The following NRXN1 variants were observed in gnomAD, a reference collection of about 807,000 sequenced individuals.
NRXN1 encodes neurexin-1.
Under a neutral mutation model 150.9 loss-of-function variants are expected in NRXN1, and 39 were observed. That is an observed-to-expected ratio of 0.26 (90% CI 0.20 to 0.34). The LOEUF (loss-of-function observed/expected upper bound fraction) is 0.34. Ranked by LOEUF, NRXN1 falls within the 10% of genes least tolerant of loss-of-function variation. The probability of loss-of-function intolerance (pLI) is 1.00; values close to 1 mark genes in which losing one functional copy is unlikely to be tolerated. For synonymous variants in NRXN1, 924 were observed against 757.0 expected, an observed-to-expected ratio of 1.22 and a Z score of -3.62; for missense variants, 1,815 against 1,949.9, an observed-to-expected ratio of 0.93 and a Z score of 1.30.
chr2:50,310,427 G>C (rs1449879876), intron 17 of NRXN1, among the ~76,000 whole-genome samples: 1 of 152,068 alleles, frequency 6.6e-6, no homozygotes, highest in Non-Finnish European at 1.5e-5. Flanking sequence ...ATGATCCTTT[G>C]TGCCCAGGGC....
At chr2:50,637,956 G>A (rs184733231) in intron 5 of NRXN1, among the ~76,000 whole-genome samples, 1 of 152,136 alleles carries the variant, frequency 6.6e-6, no homozygotes, top group Non-Finnish European at 1.5e-5. Flanking sequence ...TTAGATCTTA[G>A]GATCCAAGGT....
intron 17 of NRXN1, among the ~76,000 whole-genome samples, chr2:50,341,416 T>G (rs10188626): frequency 6.6e-6 from 1 of 151,072 alleles, no homozygotes. Flanking sequence ...AAAAAAATCA[T>G]TGGGAACCTA....
intron 5 of NRXN1, among the ~76,000 whole-genome samples, chr2:50,629,067 C>A (rs571191846): frequency 6.6e-6 from 1 of 151,780 alleles, no homozygotes; most frequent in East Asian, 1.9e-4. Flanking sequence ...GTTTGGCATT[C>A]TCTTTTAAAG....
chr2:50,114,928 T>C (rs1247097008), intron 18 of NRXN1, among the ~76,000 whole-genome samples: 2 of 151,896 alleles, frequency 1.3e-5, no homozygotes, highest in East Asian at 1.9e-4. Context: ...TGTGATATTA[T>C]AATGGTTAGT....
intron 21 of NRXN1, among the ~76,000 whole-genome samples, chr2:49,945,553 A>G (rs1165967166): frequency 6.6e-6 from 1 of 151,908 alleles, no homozygotes; most frequent in Non-Finnish European, 1.5e-5. Context: ...CCACCCTCCA[A>G]CAGGCCCAAG....
chr2:50,109,632 C>T (rs1271342506), intron 18 of NRXN1, among the ~76,000 whole-genome samples: 1 of 151,772 alleles, frequency 6.6e-6, no homozygotes, highest in South Asian at 2.1e-4. Flanking sequence ...AAGAAAACAA[C>T]CAAATCTGGC....
chr2:50,070,357 T>C (rs1443092661), intron 19 of NRXN1, among the ~76,000 whole-genome samples: 5 of 152,104 alleles, frequency 3.3e-5, no homozygotes, highest in African/African-American at 7.2e-5. Flanking sequence ...AAATAAACCT[T>C]TTCTTGGATT....
chr2:50,122,646 C>G (rs1704021597), intron 18 of NRXN1, among the ~76,000 whole-genome samples: 1 of 152,220 alleles, frequency 6.6e-6, no homozygotes, highest in Non-Finnish European at 1.5e-5. Context: ...TGTTCCATAA[C>G]CCTTGCTAGC....
At chr2:50,107,372 A>C (rs1321230049) in intron 18 of NRXN1, among the ~76,000 whole-genome samples, 1 of 151,292 alleles carries the variant, frequency 6.6e-6, no homozygotes, top group East Asian at 1.9e-4. Context: ...TATCAGGTAA[A>C]CTCTCATTCA....
At chr2:50,670,436 A>G (rs1186213178) in intron 5 of NRXN1, among the ~76,000 whole-genome samples, 3 of 151,928 alleles carry the variant, frequency 2.0e-5, no homozygotes, top group Non-Finnish European at 4.4e-5. Flanking sequence ...TTCTTTTAAA[A>G]AATAATTTTA....
Position 51,027,667 on chromosome 2 carries a change from T to A in NRXN1, c.607A>T (p.Lys203Ter), listed in dbSNP as rs1036621367. 6.2e-7 allele frequency: 1 copy of A among 1,602,858 alleles called. No individual in the cohort carries two copies. Among genetic ancestry groups the A allele is most frequent in the Non-Finnish European group, 8.5e-7 (1 of 1,174,846 alleles). ...CTGTTGGGCGGCTCATCGTCCAGCT[T>A]CACCTCGCCGCTGTCCACGGGCAGG... ...QVLPVDSGEV[K>*]LDDEPPNSGG... The change falls in exon 2 of 23, where the codon AAG becomes TAG. Residue 203 changes from lysine to a stop codon, truncating the protein, a stop_gained. Transcript: ENST00000401669. LOFTEE classifies it high-confidence loss of function.
chr2:50,628,827 C>CA (rs1178865700), intron 5 of NRXN1, among the ~76,000 whole-genome samples: 2 of 150,974 alleles, frequency 1.3e-5, no homozygotes, highest in Non-Finnish European at 3.0e-5. Context: ...ACAACAACAA[C>CA]AAAAAACAAA....
chr2:50,400,074 A>G (rs1183328375), intron 17 of NRXN1, among the ~76,000 whole-genome samples: 1 of 152,056 alleles, frequency 6.6e-6, no homozygotes, highest in Non-Finnish European at 1.5e-5. Context: ...ACCCCAAGAA[A>G]GAATAGTCTG....
intron 8 of NRXN1, among the ~76,000 whole-genome samples, chr2:50,593,331 T>C (rs986263289): frequency 2.0e-5 from 3 of 152,188 alleles, no homozygotes; most frequent in Non-Finnish European, 4.4e-5. Flanking sequence ...AATGAACACA[T>C]GGAGTCTGTC....
intron 8 of NRXN1, among the ~76,000 whole-genome samples, chr2:50,568,264 G>C (rs374017861): frequency 6.6e-6 from 1 of 151,938 alleles, no homozygotes; most frequent in South Asian, 2.1e-4. Flanking sequence ...CCCCATAAAC[G>C]TAGGCAACCA....
At chr2:50,874,849 C>A (rs148317061) in intron 5 of NRXN1, among the ~76,000 whole-genome samples, 8 of 151,792 alleles carry the variant, frequency 5.3e-5, no homozygotes, top group African/African-American at 1.7e-4. Flanking sequence ...TTATATACTA[C>A]GTTGAGAAAT....
chr2:50,616,180 T>G (rs1174183667), intron 8 of NRXN1: 1 of 152,176 alleles, frequency 6.6e-6, no homozygotes, highest in African/African-American at 2.4e-5. Context: ...TATGAATTAT[T>G]TAAAAAAAAC....
intron 13 of NRXN1, among the ~76,000 whole-genome samples, chr2:50,503,335 G>A (rs546370216): frequency 2.0e-4 from 30 of 150,256 alleles, no homozygotes; most frequent in Admixed American, 1.0e-3. Context: ...AAGAAAGAAA[G>A]AAAAAAATAA....
intron 18 of NRXN1, among the ~76,000 whole-genome samples, chr2:50,210,741 AG>A (rs1368614046): frequency 1.3e-5 from 2 of 151,790 alleles, no homozygotes; most frequent in East Asian, 3.9e-4. Flanking sequence ...AAGCAGTAGT[AG>A]AAAATAGATA....
Sources: allele counts gnomAD v4.1 joint callset (sites outside exome capture counted in the v4.1 genomes callset), GRCh38; gene constraint gnomAD v4.1.1; transcripts MANE v1.5; gene names NCBI Gene and HGNC (gene_info 2026-07-23, HGNC 2026-07-21).